CDK17: variants seen among roughly 807,000 people sequenced by gnomAD.
CDK17 encodes the protein cyclin dependent kinase 17, also known as cyclin-dependent kinase 17.
CDK17 carries 24 observed loss-of-function variants against 77.6 expected under a neutral mutation model. The ratio of observed to expected loss-of-function variants is 0.31; its 90% CI spans 0.22 to 0.44. The LOEUF is 0.44. Ranked by LOEUF, CDK17 falls within the 20% of genes least tolerant of loss-of-function variation. The pLI is 1.00. For synonymous variants in CDK17, 203 were observed against 210.4 expected, an observed-to-expected ratio of 0.96 and a Z score of 0.30; for missense variants, 429 against 622.5, an observed-to-expected ratio of 0.69 and a Z score of 3.31.
At chr12:96,383,455 T>G (rs543872652) in intron 1 of CDK17, among the ~76,000 whole-genome samples, 1 of 139,090 alleles carries the variant, frequency 7.2e-6, no homozygotes, top group Non-Finnish European at 1.5e-5. Context: ...AAAGCCCAAA[T>G]AGCCAAAGCA....
intron 1 of CDK17, among the ~76,000 whole-genome samples, chr12:96,369,063 T>C (rs137869283): frequency 0.01 from 1,596 of 152,206 alleles, 48 homozygotes; most frequent in Admixed American, 0.064. Context: ...AGGCCTGTGA[T>C]AGGTGTATTC....
rs1484452088 is a variant in CDK17 at position 96,297,261 on chromosome 12, A to G, written c.873+9T>C. The G allele has an allele frequency of 1.9e-6, 3 of 1,592,148 alleles. No individual in the cohort carries two copies. Among genetic ancestry groups the G allele is most frequent in the South Asian group, 1.1e-5 (1 of 89,684 alleles). On this transcript the variant is annotated intron_variant, in intron 9 of 16. Coordinates refer to ENST00000261211, the MANE Select transcript of CDK17 (RefSeq NM_002595.5). ...AAAATTTAAAAATTACACACGCAAG[A>G]AAACATACCTTTACGTTGTGCATAC...
At chr12:96,392,984 A>C (rs1288151604) in intron 1 of CDK17, among the ~76,000 whole-genome samples, 2 of 152,224 alleles carry the variant, frequency 1.3e-5, no homozygotes, top group Non-Finnish European at 2.9e-5. Context: ...GACGTAACAA[A>C]TGCTTTAAAA....
At chr12:96,378,138 T>C (rs1011628115) in intron 1 of CDK17, among the ~76,000 whole-genome samples, 2 of 152,240 alleles carry the variant, frequency 1.3e-5, no homozygotes, top group Non-Finnish European at 2.9e-5. Flanking sequence ...TCACCTCATG[T>C]AGCTCACACT....
intron 1 of CDK17, among the ~76,000 whole-genome samples, chr12:96,357,823 A>G (rs1807869164): frequency 6.6e-6 from 1 of 152,220 alleles, no homozygotes; most frequent in African/African-American, 2.4e-5. Context: ...AATCCTGGGT[A>G]CATATCCAAG....
chr12:96,295,966 G>A (rs147826693), intron 9 of CDK17, among the ~76,000 whole-genome samples: 1 of 152,108 alleles, frequency 6.6e-6, no homozygotes, highest in African/African-American at 2.4e-5. Context: ...GAAAAACAGG[G>A]CATCCGAACA....
intron 1 of CDK17, among the ~76,000 whole-genome samples, chr12:96,368,812 G>A (rs1482049116): frequency 0.02 from 275 of 13,622 alleles, 26 homozygotes; most frequent in African/African-American, 0.051. Context: ...AAGACGGGGG[G>A]GGGGGGGGGG....
At chr12:96,308,425 C>T (rs898255572) in intron 5 of CDK17, among the ~76,000 whole-genome samples, 15 of 151,302 alleles carry the variant, frequency 9.9e-5, no homozygotes, top group African/African-American at 3.6e-4. Context: ...GAAAATAGTT[C>T]CATTATATAA....
At chr12:96,315,920 G>C (rs533102214) in intron 3 of CDK17, among the ~76,000 whole-genome samples, 1 of 152,046 alleles carries the variant, frequency 6.6e-6, no homozygotes, top group East Asian at 1.9e-4. Flanking sequence ...GAGACTTACA[G>C]GGTACATTTA....
intron 1 of CDK17, among the ~76,000 whole-genome samples, chr12:96,384,986 G>A (rs1229845409): frequency 6.7e-6 from 1 of 149,792 alleles, no homozygotes; most frequent in Non-Finnish European, 1.5e-5. Context: ...TTCCAGTCAG[G>A]GTGAAAGCAA....
At chr12:96,294,771 C>T (rs561702865) in intron 10 of CDK17, among the ~76,000 whole-genome samples, 2 of 151,950 alleles carry the variant, frequency 1.3e-5, no homozygotes, top group South Asian at 2.1e-4. Flanking sequence ...CTCAGGAGCC[C>T]TAGGGGTCTT....
At chr12:96,316,510 GACAA>G (rs1298248157) in intron 3 of CDK17, among the ~76,000 whole-genome samples, 2 of 149,360 alleles carry the variant, frequency 1.3e-5, no homozygotes, top group Admixed American at 6.7e-5. Context: ...GCAGGGCACA[GACAA>G]ACAAAAAGAC....
At chr12:96,324,155 A>G (rs1952862345) in intron 2 of CDK17, 43 bp from the exon 3 acceptor site, 6 of 1,515,344 alleles carry the variant, frequency 4.0e-6, no homozygotes, top group Admixed American at 2.0e-5. Flanking sequence ...CATCAGTCCA[A>G]GATCCAGGAT....
At position 96,348,540 on chromosome 12, in the gene CDK17, A is replaced by C. The variant is rs1296721144; in HGVS notation, c.-29-13675T>G. Among the ~76,000 whole-genome samples the C allele has an allele frequency of 6.0e-5, 9 of 151,176 alleles. No homozygotes were observed. In the East Asian group the frequency reaches 1.2e-3, roughly 19 times the overall value. The stretch of plus-strand genomic sequence containing the variant: ...CTCTGTCTCAAAAAAAAAAAAAAAA[A>C]AACAAAAAAGAAAAAAAAAATCAAC... On this transcript the variant is annotated intron_variant, in intron 1 of 16. Transcript: ENST00000261211.
intron 3 of CDK17, among the ~76,000 whole-genome samples, chr12:96,314,378 A>AT (rs869083454): frequency 2.7e-5 from 4 of 147,828 alleles, no homozygotes; most frequent in East Asian, 3.9e-4. Flanking sequence ...ATTTTATTTT[A>AT]TTTTTTTTGT....
intron 1 of CDK17, among the ~76,000 whole-genome samples, chr12:96,343,014 C>A (rs1953144472): frequency 6.6e-6 from 1 of 152,058 alleles, no homozygotes; most frequent in African/African-American, 2.4e-5. Context: ...TGATTCTTTT[C>A]TTTTGATAGT....
intron 1 of CDK17, among the ~76,000 whole-genome samples, chr12:96,355,398 GTTTTTTTTTTTT>G (rs58937020): frequency 1.4e-5 from 1 of 72,476 alleles, no homozygotes; most frequent in Non-Finnish European, 2.4e-5. Flanking sequence ...TCTACATTGG[GTTTTTTTTTTTT>G]TTTTTTTTTT....
intron 1 of CDK17, among the ~76,000 whole-genome samples, chr12:96,397,634 G>GA (rs1038707502): frequency 6.6e-6 from 1 of 151,822 alleles, no homozygotes; most frequent in African/African-American, 2.4e-5. Flanking sequence ...TAAAATACAG[G>GA]AAAAAAATGT....
At chr12:96,358,370 T>TAAAAAAAA (rs35899533) in intron 1 of CDK17, among the ~76,000 whole-genome samples, 1 of 35,180 alleles carries the variant, frequency 2.8e-5, no homozygotes, top group Non-Finnish European at 5.6e-5. Context: ...TGCAAACTTG[T>TAAAAAAAA]AAAAAAAAAA....
Sources: allele counts gnomAD v4.1 joint callset (sites outside exome capture counted in the v4.1 genomes callset), GRCh38; gene constraint gnomAD v4.1.1; transcripts MANE v1.5; gene names NCBI Gene and HGNC (gene_info 2026-07-23, HGNC 2026-07-21).